The following JAZF1 variants were observed in gnomAD, a reference collection of about 807,000 sequenced individuals.
The protein encoded by JAZF1 is juxtaposed with another zinc finger protein 1.
Under a neutral mutation model 26.4 loss-of-function variants are expected in JAZF1, and 8 were observed. The observed-to-expected ratio is 0.30, with a 90% CI of 0.18 to 0.55. JAZF1 has a LOEUF of 0.55. Among genes scored for constraint, JAZF1 ranks in the 20% least tolerant of loss-of-function variants. JAZF1 has a pLI of 0.94. For synonymous variants in JAZF1, 126 were observed against 122.3 expected, an observed-to-expected ratio of 1.03 and a Z score of -0.20; for missense variants, 199 against 322.0, an observed-to-expected ratio of 0.62 and a Z score of 2.92.
intron 1 of JAZF1, among the ~76,000 whole-genome samples, chr7:28,065,967 G>A (rs1463515185): frequency 1.3e-5 from 2 of 152,102 alleles, no homozygotes; most frequent in African/African-American, 4.8e-5. Context: ...CAGATGGATC[G>A]CAAAACTTGC....
intron 2 of JAZF1, among the ~76,000 whole-genome samples, chr7:27,967,181 C>T (rs1785291662): frequency 6.6e-6 from 1 of 152,166 alleles, no homozygotes; most frequent in South Asian, 2.1e-4. Context: ...ATTCAACTAG[C>T]TGCACCCTCC....
At chr7:28,102,784 A>G in intron 1 of JAZF1, among the ~76,000 whole-genome samples, 1 of 152,246 alleles carries the variant, frequency 6.6e-6, no homozygotes, top group East Asian at 1.9e-4. Context: ...TGAGAAATCA[A>G]AATTTTCATA....
intron 1 of JAZF1, among the ~76,000 whole-genome samples, chr7:28,103,272 A>G (rs894606595): frequency 2.6e-5 from 4 of 152,016 alleles, no homozygotes; most frequent in South Asian, 2.1e-4. Flanking sequence ...CCAGAAGTGA[A>G]TATCAAAAAT....
intron 1 of JAZF1, among the ~76,000 whole-genome samples, chr7:28,136,441 T>C (rs1782887693): frequency 1.3e-5 from 2 of 152,174 alleles, no homozygotes; most frequent in Non-Finnish European, 2.9e-5. Flanking sequence ...TGGACACATA[T>C]AGGGATCTGG....
chr7:28,157,311 T>G lies in JAZF1; in HGVS notation c.115+23152A>C, dbSNP rs533923195. On this transcript the variant is annotated intron_variant, in intron 1 of 4. Transcript: ENST00000283928. ...CAGCCTAGAGTAGAAGGTGGCAAAG[T>G]TCCTTTGTAAAGAGCCAGACAGTGA... Among the ~76,000 whole-genome samples the G allele has an allele frequency of 3.9e-5, 6 of 152,302 alleles. No homozygotes were observed. The East Asian group carries it at 9.7e-4, about 25-fold the overall frequency.
intron 1 of JAZF1, among the ~76,000 whole-genome samples, chr7:28,100,191 G>GA (rs1490166988): frequency 6.6e-6 from 1 of 152,186 alleles, no homozygotes; most frequent in Non-Finnish European, 1.5e-5. Context: ...CTTAATAAAT[G>GA]AGAGTAATAC....
At chr7:27,888,942 T>C (rs1783918867) in intron 3 of JAZF1, among the ~76,000 whole-genome samples, 1 of 152,166 alleles carries the variant, frequency 6.6e-6, no homozygotes, top group African/African-American at 2.4e-5. Context: ...GCTTCTCCAT[T>C]AAGACATGAG....
intron 2 of JAZF1, among the ~76,000 whole-genome samples, chr7:27,946,425 T>C (rs1330502582): frequency 6.6e-6 from 1 of 152,216 alleles, no homozygotes; most frequent in Non-Finnish European, 1.5e-5. Flanking sequence ...TAGCACCAGC[T>C]GACAAAGGCT....
intron 1 of JAZF1, among the ~76,000 whole-genome samples, chr7:28,116,998 A>G (rs1273111645): frequency 6.6e-6 from 1 of 152,026 alleles, no homozygotes; most frequent in African/African-American, 2.4e-5. Flanking sequence ...TAATTTTTGC[A>G]TTTTTAGTAG....
chr7:28,040,118 A>C (rs1310133369), intron 1 of JAZF1, among the ~76,000 whole-genome samples: 1 of 152,250 alleles, frequency 6.6e-6, no homozygotes, highest in African/African-American at 2.4e-5. Flanking sequence ...GGTATTCTTT[A>C]CACATGAAAG....
At chr7:28,045,623 T>C (rs1783483313) in intron 1 of JAZF1, among the ~76,000 whole-genome samples, 1 of 152,254 alleles carries the variant, frequency 6.6e-6, no homozygotes, top group Admixed American at 6.5e-5. Flanking sequence ...GTCGCCAAGT[T>C]TGGAGTATAG....
At chr7:28,160,977 G>T (rs955244209) in intron 1 of JAZF1, among the ~76,000 whole-genome samples, 4 of 152,100 alleles carry the variant, frequency 2.6e-5, no homozygotes, top group Non-Finnish European at 5.9e-5. Flanking sequence ...ATCCATTCCT[G>T]CATTAGAATG....
chr7:27,871,172 A>C (rs1270838756), intron 3 of JAZF1, among the ~76,000 whole-genome samples: 1 of 152,222 alleles, frequency 6.6e-6, no homozygotes, highest in African/African-American at 2.4e-5. Context: ...TTCCTCCTCA[A>C]CTGGTTTGGA....
At chr7:28,105,318 A>G (rs1784534242) in intron 1 of JAZF1, among the ~76,000 whole-genome samples, 1 of 152,238 alleles carries the variant, frequency 6.6e-6, no homozygotes, top group South Asian at 2.1e-4. Context: ...TTCGAGGTCA[A>G]TAACAGTACC....
At chr7:27,946,390 T>C (rs1316351081) in intron 2 of JAZF1, among the ~76,000 whole-genome samples, 1 of 152,194 alleles carries the variant, frequency 6.6e-6, no homozygotes, top group Non-Finnish European at 1.5e-5. Context: ...TGAAGGCACT[T>C]TGAAATCTTG....
intron 2 of JAZF1, among the ~76,000 whole-genome samples, chr7:27,979,979 G>A (rs1785549860): frequency 1.3e-5 from 2 of 151,990 alleles, no homozygotes; most frequent in African/African-American, 4.8e-5. Flanking sequence ...TCATCTTATT[G>A]GGTTGCTAAC....
chr7:27,924,840 A>C (rs1400265028), intron 2 of JAZF1, among the ~76,000 whole-genome samples: 1 of 152,226 alleles, frequency 6.6e-6, no homozygotes, highest in Non-Finnish European at 1.5e-5. Context: ...CTGCTAAGAC[A>C]ATGGTGAGTT....
chr7:28,096,782 C>T (rs149290996), intron 1 of JAZF1, among the ~76,000 whole-genome samples: 5 of 152,042 alleles, frequency 3.3e-5, no homozygotes, highest in African/African-American at 4.8e-5. Context: ...CAGCCATGGC[C>T]GTGGGAAGCT....
intron 1 of JAZF1, among the ~76,000 whole-genome samples, chr7:28,079,141 C>G (rs1461477236): frequency 6.6e-6 from 1 of 152,094 alleles, no homozygotes; most frequent in Admixed American, 6.6e-5. Context: ...AGGTGCCCAC[C>G]ACCATGCCAG....
Sources: allele counts gnomAD v4.1 joint callset (sites outside exome capture counted in the v4.1 genomes callset), GRCh38; gene constraint gnomAD v4.1.1; transcripts MANE v1.5; gene names NCBI Gene and HGNC (gene_info 2026-07-23, HGNC 2026-07-21).